Variants in GALNTL6 observed in about 807,000 individuals in gnomAD.
GALNTL6 encodes the protein polypeptide N-acetylgalactosaminyltransferase-like 6.
GALNTL6 carries 46 observed loss-of-function variants against 73.7 expected under a neutral mutation model. That is an observed-to-expected ratio of 0.62 (90% CI 0.49 to 0.80). The LOEUF is 0.80. Among genes scored for constraint, GALNTL6 ranks in the 30% least tolerant of loss-of-function variants. The pLI, the probability that GALNTL6 is intolerant of heterozygous loss-of-function variation, is 0.00. For synonymous variants in GALNTL6, 259 were observed against 263.7 expected (o/e 0.98, Z 0.17); for missense variants, 604 against 755.0 (o/e 0.80, Z 2.34).
At chr4:173,017,349 T>A (rs1476393455) in intron 11 of GALNTL6, among the ~76,000 whole-genome samples, 1 of 152,208 alleles carries the variant, frequency 6.6e-6, no homozygotes, top group Non-Finnish European at 1.5e-5. Flanking sequence ...ATCTACATTC[T>A]TCTGTCAATA....
chr4:172,219,585 T>C (rs1327587668), intron 2 of GALNTL6, among the ~76,000 whole-genome samples: 1 of 151,934 alleles, frequency 6.6e-6, no homozygotes, highest in East Asian at 1.9e-4. Context: ...TGATCTATTG[T>C]CTCTCATGTC....
At chr4:172,177,771 A>G (rs1219931130) in intron 2 of GALNTL6, among the ~76,000 whole-genome samples, 9 of 78,990 alleles carry the variant, frequency 1.1e-4, no homozygotes, top group African/African-American at 3.6e-4. Flanking sequence ...ATATATATGT[A>G]CACATATATA....
intron 3 of GALNTL6, among the ~76,000 whole-genome samples, chr4:172,300,829 T>C (rs1394931627): frequency 2.0e-5 from 3 of 152,196 alleles, no homozygotes; most frequent in Admixed American, 2.0e-4. Context: ...CTTTGGTGAA[T>C]CTGACAATTA....
chr4:171,955,456 C>T (rs1002560110), intron 2 of GALNTL6, among the ~76,000 whole-genome samples: 26 of 151,982 alleles, frequency 1.7e-4, no homozygotes, highest in African/African-American at 2.7e-4. Context: ...CCAGGACTCC[C>T]CTGCCCTCTC....
At chr4:171,819,692 A>C (rs752595592) in intron 2 of GALNTL6, among the ~76,000 whole-genome samples, 4 of 152,174 alleles carry the variant, frequency 2.6e-5, no homozygotes, top group Non-Finnish European at 4.4e-5. Context: ...ATCAACAATA[A>C]CATTACAGGC....
chr4:172,646,148 C>T (rs775480401), intron 5 of GALNTL6, among the ~76,000 whole-genome samples: 2 of 152,018 alleles, frequency 1.3e-5, no homozygotes, highest in Non-Finnish European at 2.9e-5. Flanking sequence ...TGCTATCCAA[C>T]TTTGTTCTTC....
chr4:171,841,945 G>A (rs956173959), intron 2 of GALNTL6, among the ~76,000 whole-genome samples: 2 of 151,834 alleles, frequency 1.3e-5, no homozygotes, highest in South Asian at 4.1e-4. Flanking sequence ...TCTAAAATAA[G>A]GCATGAAAAT....
At chr4:172,940,108 C>A (rs1219691496) in intron 9 of GALNTL6, among the ~76,000 whole-genome samples, 2 of 148,672 alleles carry the variant, frequency 1.3e-5, no homozygotes, top group East Asian at 3.9e-4. Context: ...TTGCCATTTG[C>A]AAGTATCATG....
At chr4:172,535,358 C>A (rs1256938157) in intron 5 of GALNTL6, among the ~76,000 whole-genome samples, 1 of 152,112 alleles carries the variant, frequency 6.6e-6, no homozygotes, top group African/African-American at 2.4e-5. Flanking sequence ...TTGGAACTAG[C>A]CCAAAATTTC....
At chr4:172,271,826 G>C (rs1051127386) in intron 3 of GALNTL6, among the ~76,000 whole-genome samples, 6 of 151,884 alleles carry the variant, frequency 4.0e-5, no homozygotes, top group African/African-American at 9.7e-5. Context: ...ATCCTCTAAA[G>C]GGAAAATGTA....
chr4:172,148,422 AAAAACGTATTGTT>A (rs551012728), intron 2 of GALNTL6, among the ~76,000 whole-genome samples: 214 of 152,300 alleles, frequency 1.4e-3, no homozygotes, highest in African/African-American at 5.0e-3. Flanking sequence ...AATAGCAACC[AAAAACGTATTGTT>A]AGCCAGAATT....
At chr4:172,369,858 C>A (rs139142792) in intron 5 of GALNTL6, among the ~76,000 whole-genome samples, 1 of 152,170 alleles carries the variant, frequency 6.6e-6, no homozygotes, top group African/African-American at 2.4e-5. Flanking sequence ...TCTCCCTCCA[C>A]ACCTCCCCAC....
intron 5 of GALNTL6, among the ~76,000 whole-genome samples, chr4:172,757,430 GC>G (rs1429639217): frequency 5.3e-5 from 8 of 152,178 alleles, no homozygotes; most frequent in Admixed American, 4.6e-4. Context: ...TTTGGTAACA[GC>G]CCTGAGAGTT....
At position 171,857,366 on chromosome 4, in the gene GALNTL6, T is replaced by C. The variant is rs182959305; in HGVS notation, c.138+42648T>C. 7.9e-5 allele frequency among the ~76,000 whole-genome samples: 12 copies of C among 152,106 alleles called. No individual in the cohort carries two copies. The East Asian group carries it at 2.3e-3, about 29-fold the overall frequency. On this transcript the variant is annotated intron_variant, in intron 2 of 12. Transcript: ENST00000506823. Reference sequence around the variant, plus strand: ...TTAGAAGGGATTTTTATAGAGCAAATAGTAGGAAAGTTGTACACAGGAATG... The same window carrying C: ...TTAGAAGGGATTTTTATAGAGCAAACAGTAGGAAAGTTGTACACAGGAATG...
intron 3 of GALNTL6, among the ~76,000 whole-genome samples, chr4:172,262,781 G>A (rs1395162531): frequency 6.6e-6 from 1 of 151,492 alleles, no homozygotes; most frequent in Non-Finnish European, 1.5e-5. Context: ...AGGATTTAGA[G>A]CTCCTTTTAG....
intron 5 of GALNTL6, among the ~76,000 whole-genome samples, chr4:172,780,128 TA>T (rs36056678): frequency 0.026 from 3,978 of 150,258 alleles, 157 homozygotes; most frequent in African/African-American, 0.086. Context: ...TTTTTTTTTT[TA>T]AAGTAGTGCA....
intron 5 of GALNTL6, among the ~76,000 whole-genome samples, chr4:172,672,890 T>C (rs975326219): frequency 5.3e-5 from 8 of 152,170 alleles, no homozygotes; most frequent in Non-Finnish European, 8.8e-5. Flanking sequence ...CATTTCTAAT[T>C]GTGTTTATTT....
rs878936399 is a variant in GALNTL6, at chr4:172,379,708, A to T, written c.553+31019A>T. 5.9e-5 allele frequency among the ~76,000 whole-genome samples: 9 copies of T among 151,876 alleles called. No homozygotes were observed. The South Asian group carries it at 1.9e-3, about 31-fold the overall frequency. ...TAAATAAAAACACCCACGCCCCTGG[A>T]GCTAACCTGACAACTACCTTCATTC... On this transcript the variant is annotated intron_variant, in intron 5 of 12. Coordinates refer to ENST00000506823, the MANE Select transcript of GALNTL6 (RefSeq NM_001034845.3).
intron 3 of GALNTL6, among the ~76,000 whole-genome samples, chr4:172,231,809 T>C (rs1696485574): frequency 6.6e-6 from 1 of 152,116 alleles, no homozygotes; most frequent in Non-Finnish European, 1.5e-5. Flanking sequence ...CTTGTACAAA[T>C]GAGTTTTGAA....
Sources: gnomAD v4.1 joint callset for allele counts (sites outside exome capture counted in the v4.1 genomes callset) on GRCh38, gnomAD v4.1.1 for gene constraint, MANE v1.5 for transcripts, NCBI Gene and HGNC (gene_info 2026-07-23, HGNC 2026-07-21) for gene names.